Variants in CLPTM1L observed in about 807,000 individuals in gnomAD.
CLPTM1L encodes the protein lipid scramblase CLPTM1L.
Under a neutral mutation model 70.9 loss-of-function variants are expected in CLPTM1L, and 38 were observed. The ratio of observed to expected loss-of-function variants is 0.54; its 90% CI spans 0.41 to 0.70. The LOEUF is 0.70. Among genes scored for constraint, CLPTM1L ranks in the 30% least tolerant of loss-of-function variants. The probability of loss-of-function intolerance (pLI) is 0.00; values close to 1 mark genes in which losing one functional copy is unlikely to be tolerated. For missense variants in CLPTM1L, 652 were observed against 705.9 expected (o/e 0.92, Z 0.87); for synonymous variants, 339 against 299.9 (o/e 1.13, Z -1.35).
intron 10 of CLPTM1L, 62 bp from the exon 11 acceptor site, chr5:1,324,875 C>T (rs942000762): frequency 3.3e-6 from 5 of 1,499,074 alleles, no homozygotes; most frequent in African/African-American, 1.4e-5. Flanking sequence ...CACAGCTGAG[C>T]TGTGACTAAG....
chr5:1,333,116 GACACACCGGATAAGGGGGGACTACTGTAT>G (rs1753237562), intron 7 of CLPTM1L, among the ~76,000 whole-genome samples: 2 of 5,116 alleles, frequency 3.9e-4, no homozygotes, highest in African/African-American at 7.4e-4. Flanking sequence ...GACTACTGTA[GACACACCGGATAAGGGGGGACTACTGTAT>G]ACACACCGGA....
chr5:1,318,072 C>A lies in CLPTM1L; in HGVS notation c.*297G>T. The A allele has an allele frequency of 2.5e-6, 1 of 399,554 alleles. No homozygotes were observed. Among genetic ancestry groups the A allele is most frequent in the Non-Finnish European group, 4.4e-6 (1 of 224,728 alleles). 24.8% of individuals were successfully genotyped at this position (399,554 alleles called of 1,614,324 possible). A position where few individuals can be genotyped will look rare whatever the true frequency, so the allele number is the denominator to read the frequency against. On this transcript the variant is annotated 3_prime_UTR_variant, in exon 17 of 17. Transcript: ENST00000320895. The surrounding 1 kb of genome is among the most constrained non-coding windows in gnomAD (Gnocchi z 8.9). The stretch of plus-strand genomic sequence containing the variant: ...CCCCCTTGCCTGTGAGGGCTCCCAC[C>A]CCTGCCCGCGTGAGGACATGGCCGA...
At chr5:1,341,570 A>G in intron 3 of CLPTM1L, 101 bp downstream of exon 3, 1 of 1,022,030 alleles carries the variant, frequency 9.8e-7, no homozygotes, top group Non-Finnish European at 1.4e-6. Context: ...CTCCCAACAA[A>G]GTCACTGGAG....
At chr5:1,335,943 C>T (rs1007769674) in intron 5 of CLPTM1L, among the ~76,000 whole-genome samples, 2 of 148,120 alleles carry the variant, frequency 1.4e-5, no homozygotes, top group Non-Finnish European at 3.0e-5. Flanking sequence ...TGCCTCAAGC[C>T]CTGACCCGCC....
Position 1,326,014 on chromosome 5 carries a change from C to A in CLPTM1L, c.1081-198G>T, listed in dbSNP as rs567013027. 1.9e-4 allele frequency: 108 copies of A among 573,664 alleles called. No homozygotes were observed. The African/African-American group carries it at 2.0e-3, about 11-fold the overall frequency. 35.5% of individuals were successfully genotyped at this position (573,664 alleles called of 1,614,324 possible). A position where few individuals can be genotyped will look rare whatever the true frequency, so the allele number is the denominator to read the frequency against. On this transcript the variant is annotated intron_variant, in intron 9 of 16. Transcript: ENST00000320895. ...CTCTAACCCACACACGGCAGGCGTA[C>A]CTGGTCAGGTGGGCTGCACAGCCAC...
intron 9 of CLPTM1L, among the ~76,000 whole-genome samples, chr5:1,326,849 C>A (rs1308388342): frequency 2.0e-5 from 3 of 151,090 alleles, no homozygotes; most frequent in African/African-American, 7.3e-5. Flanking sequence ...TCGACAGACA[C>A]ATTTCATCCA....
At chr5:1,319,420 G>A (rs928816598) in intron 16 of CLPTM1L, among the ~76,000 whole-genome samples, 5 of 152,200 alleles carry the variant, frequency 3.3e-5, no homozygotes, top group African/African-American at 1.2e-4. Context: ...GAGCCACTGT[G>A]TGGATGTGCC....
chr5:1,318,091 T>C lies in CLPTM1L; in HGVS notation c.*278A>G. 2 of 468,138 alleles carry C rather than the reference T, an allele frequency of 4.3e-6. No individual in the cohort carries two copies. Among genetic ancestry groups the C allele is most frequent in the East Asian group, 3.6e-5 (1 of 28,036 alleles). The allele number at this position is 468,138 out of a possible 1,614,324, so 29.0% of individuals were successfully genotyped here. ...TCCCACCCCTGCCCGCGTGAGGACA[T>C]GGCCGAACCCCGGACACTCGTGTGC... On this transcript the variant is annotated 3_prime_UTR_variant, in exon 17 of 17. Transcript: ENST00000320895. The surrounding 1 kb of genome is among the most constrained non-coding windows in gnomAD (Gnocchi z 8.9).
rs543686169 is a variant in CLPTM1L, at chr5:1,332,697, G to C, written c.892-814C>G. Among the ~76,000 whole-genome samples the C allele has an allele frequency of 2.0e-5, 3 of 152,352 alleles. No homozygotes were observed. The South Asian group carries it at 6.2e-4, about 32-fold the overall frequency. ...GTGCGATGAGACAGATATTCTGAGA[G>C]TGAGACCACACCCACGTAACTTTAT... On this transcript the variant is annotated intron_variant, in intron 7 of 16. Coordinates refer to ENST00000320895, the MANE Select transcript of CLPTM1L (RefSeq NM_030782.5).
At chr5:1,331,474 G>A (rs1753084636) in intron 8 of CLPTM1L, 1 of 425,912 alleles carries the variant, frequency 2.3e-6, no homozygotes, top group African/African-American at 2.0e-5. Context: ...CAGCGCCCAT[G>A]AGCAGCCGGG....
Position 1,324,676 on chromosome 5 carries a change from C to T in CLPTM1L, c.1197+87G>A, listed in dbSNP as rs552622439. The T allele has an allele frequency of 1.0e-4, 133 of 1,295,776 alleles. No homozygotes were observed. In the South Asian group the frequency reaches 1.0e-3, roughly 10 times the overall value. 80.3% of individuals were successfully genotyped at this position (1,295,776 alleles called of 1,614,324 possible). A position where few individuals can be genotyped will look rare whatever the true frequency, so the allele number is the denominator to read the frequency against. On this transcript the variant is annotated intron_variant, in intron 11 of 16. Coordinates refer to ENST00000320895, the MANE Select transcript of CLPTM1L (RefSeq NM_030782.5). ...CTGACCCGTACTCCAAGGAGACTTC[C>T]GCACTGAGCAATGACAGTAAAAGAC... is the stretch of plus-strand genomic sequence containing the variant.
intron 8 of CLPTM1L, chr5:1,331,588 C>T: frequency 1.7e-6 from 1 of 597,022 alleles, no homozygotes; most frequent in South Asian, 2.0e-5. Context: ...CGCTGGAGGC[C>T]CTGAGCCGTG....
intron 15 of CLPTM1L, 40 bp downstream of exon 15, chr5:1,321,595 G>A (rs1561227901): frequency 6.3e-7 from 1 of 1,591,782 alleles, no homozygotes; most frequent in Non-Finnish European, 8.6e-7. Flanking sequence ...CTCACGCTCT[G>A]CTCAGTGAGA....
In CLPTM1L at chr5:1,344,542, G is replaced by C. The variant is rs1241481988; in HGVS notation, c.163-91C>G. On this transcript the variant is annotated intron_variant, in intron 1 of 16. Transcript: ENST00000320895. ...GGCCAGCTGGAGGGCGGAAGACCTGGCCGCTGGGGAACCAGGAAAGGTTCC... is the reference window on the plus strand; with the variant it reads ...GGCCAGCTGGAGGGCGGAAGACCTGCCCGCTGGGGAACCAGGAAAGGTTCC... 1.1e-5 allele frequency: 16 copies of C among 1,473,278 alleles called. No homozygotes were observed. The South Asian group carries it at 1.6e-4, about 15-fold the overall frequency. 91.3% of individuals were successfully genotyped at this position (1,473,278 alleles called of 1,614,324 possible).
chr5:1,325,903 C>T (rs1028145322), intron 9 of CLPTM1L, 87 bp from the exon 10 acceptor site: 13 of 1,153,072 alleles, frequency 1.1e-5, no homozygotes, highest in Non-Finnish European at 1.7e-5. Flanking sequence ...CGGGTAGGAC[C>T]TGCTGCCCAT....
intron 6 of CLPTM1L, among the ~76,000 whole-genome samples, chr5:1,334,656 A>G (rs1753441435): frequency 1.3e-5 from 2 of 152,134 alleles, no homozygotes. Context: ...GGGGGGACTG[A>G]GGAACGAGAA....
intron 2 of CLPTM1L, among the ~76,000 whole-genome samples, chr5:1,343,400 TC>T (rs1196867911): frequency 2.6e-5 from 4 of 152,144 alleles, no homozygotes; most frequent in Non-Finnish European, 5.9e-5. Flanking sequence ...TCTCCCCACT[TC>T]CTCCAGGCTG....
At chr5:1,338,681 C>T (rs1423801530) in intron 4 of CLPTM1L, among the ~76,000 whole-genome samples, 179 bp downstream of exon 4, 1 of 152,232 alleles carries the variant, frequency 6.6e-6, no homozygotes, top group Non-Finnish European at 1.5e-5. Flanking sequence ...TCCCCCCTTC[C>T]AGCCCTGTGG....
Position 1,338,976 on chromosome 5 carries a change from A to G in CLPTM1L, c.483T>C (p.Ser161=), listed in dbSNP as rs750001438. The G allele has an allele frequency of 1.9e-6, 3 of 1,613,218 alleles. No homozygotes were observed. Among genetic ancestry groups the G allele is most frequent in the African/African-American group, 1.3e-5 (1 of 75,072 alleles). The change falls in exon 4 of 17, where the codon AGT becomes AGC. Residue 161 remains serine, a synonymous_variant. Transcript: ENST00000320895. The stretch of plus-strand genomic sequence containing the variant: ...AGTGGGACACTGGCTCATCCAGGGC[A>G]CTCGTCGGCTTCTTCTCCGCCTCGA... The part of the protein sequence containing the change: ...QQIEAEKKPT[S]ALDEPVSHWR...
Sources: allele counts gnomAD v4.1 joint callset (sites outside exome capture counted in the v4.1 genomes callset), GRCh38; gene constraint gnomAD v4.1.1; non-coding constraint Gnocchi (gnomAD v3.1); transcripts MANE v1.5; gene names NCBI Gene and HGNC (gene_info 2026-07-23, HGNC 2026-07-21).